CNTN4: variants seen among roughly 807,000 people sequenced by gnomAD.
The protein encoded by CNTN4 is contactin-4.
Under a neutral mutation model 122.5 loss-of-function variants are expected in CNTN4, and 77 were observed. The ratio of observed to expected loss-of-function variants is 0.63; its 90% CI spans 0.52 to 0.76. The LOEUF is 0.76. CNTN4 is among the 30% of genes least tolerant of loss of function. The pLI is 0.00. For synonymous variants in CNTN4, 512 were observed against 447.0 expected (o/e 1.15, Z -1.83); for missense variants, 1,256 against 1,259.1 (o/e 1.00, Z 0.04).
At chr3:2,555,950 C>T (rs1017350755) in intron 3 of CNTN4, among the ~76,000 whole-genome samples, 11 of 152,022 alleles carry the variant, frequency 7.2e-5, no homozygotes, top group Non-Finnish European at 1.2e-4. Context: ...AACCTATTAC[C>T]CCAGGTTCAT....
rs56051008 is a variant in CNTN4, at chr3:2,435,566, G to A, written c.-89+96333G>A. Among the ~76,000 whole-genome samples the A allele has an allele frequency of 6.7e-3, 1,013 of 152,216 alleles. 6 individuals are homozygous for A. Among genetic ancestry groups the A allele is most frequent in the African/African-American group, 0.022 (922 of 41,550 alleles). ...TCTGTAATAGTGACCCTGGCAGCCTGTTTCAGCAAGGCTTCTCAGTTGACC... is the reference window on the plus strand; with the variant it reads ...TCTGTAATAGTGACCCTGGCAGCCTATTTCAGCAAGGCTTCTCAGTTGACC... On this transcript the variant is annotated intron_variant, in intron 3 of 24. Transcript: ENST00000418658.
intron 3 of CNTN4, among the ~76,000 whole-genome samples, chr3:2,456,914 A>G (rs186739417): frequency 4.6e-5 from 7 of 152,226 alleles, no homozygotes; most frequent in Admixed American, 2.6e-4. Flanking sequence ...GTGCTAGTCA[A>G]TGAACTGAGT....
chr3:2,297,360 G>A (rs1383409730), intron 2 of CNTN4, among the ~76,000 whole-genome samples: 2 of 152,294 alleles, frequency 1.3e-5, no homozygotes, highest in African/African-American at 2.4e-5. Context: ...TCCAAATGAT[G>A]TTAAACATTC....
chr3:2,841,248 C>T lies in CNTN4; in HGVS notation c.454+21667C>T, dbSNP rs2093356843. On this transcript the variant is annotated intron_variant, in intron 7 of 24. Transcript: ENST00000418658. This position sits in a 1 kb window ranked among gnomAD's most constrained non-coding sequence, Gnocchi z 4.8. The stretch of plus-strand genomic sequence containing the variant: ...GCTGGGTGGATTTTAACTTTTAACC[C>T]AGTTTTTCAGATGTGTTAATATATA... 6.6e-6 allele frequency among the ~76,000 whole-genome samples: 1 copy of T among 152,232 alleles called. No individual in the cohort carries two copies. The highest frequency in any genetic ancestry group is 1.5e-5 in the Non-Finnish European group (1 of 68,018).
At chr3:2,346,422 A>T (rs1040689030) in intron 3 of CNTN4, among the ~76,000 whole-genome samples, 1 of 152,130 alleles carries the variant, frequency 6.6e-6, no homozygotes, top group African/African-American at 2.4e-5. Flanking sequence ...TAACTTACAT[A>T]GATTTTCTTA....
At chr3:2,522,724 G>C (rs2149163735) in intron 3 of CNTN4, among the ~76,000 whole-genome samples, 1 of 151,862 alleles carries the variant, frequency 6.6e-6, no homozygotes, top group Middle Eastern at 3.4e-3. Flanking sequence ...TTTTTAATTA[G>C]CTCCCATATG....
At chr3:2,993,299 AT>A (rs576176618) in intron 14 of CNTN4, among the ~76,000 whole-genome samples, 275 of 143,732 alleles carry the variant, frequency 1.9e-3, no homozygotes, top group East Asian at 3.7e-3. Flanking sequence ...AGACTGTGTA[AT>A]TTTTTTTTTT....
chr3:2,674,161 T>C (rs1258344985), intron 4 of CNTN4, among the ~76,000 whole-genome samples: 1 of 152,224 alleles, frequency 6.6e-6, no homozygotes, highest in Non-Finnish European at 1.5e-5. Context: ...AATAGATAAT[T>C]GAAGTACTTA....
At chr3:2,389,712 T>C (rs2046377094) in intron 3 of CNTN4, among the ~76,000 whole-genome samples, 1 of 152,186 alleles carries the variant, frequency 6.6e-6, no homozygotes, top group Admixed American at 6.5e-5. Flanking sequence ...ACAGGAACTT[T>C]ACAGTGAAGA....
intron 3 of CNTN4, among the ~76,000 whole-genome samples, chr3:2,360,938 T>G (rs554532956): frequency 1.3e-5 from 2 of 152,228 alleles, no homozygotes; most frequent in Admixed American, 6.5e-5. Context: ...GAAAGAGTGG[T>G]GTGGGGTTCA....
chr3:2,505,257 G>A (rs750751200), intron 3 of CNTN4, among the ~76,000 whole-genome samples: 1 of 152,096 alleles, frequency 6.6e-6, no homozygotes, highest in Non-Finnish European at 1.5e-5. Flanking sequence ...GAAGGAAGGA[G>A]GGAAGATCGG....
At chr3:2,238,522 G>T (rs968118357) in intron 2 of CNTN4, among the ~76,000 whole-genome samples, 3 of 151,548 alleles carry the variant, frequency 2.0e-5, no homozygotes, top group African/African-American at 7.3e-5. Context: ...TCTTAAATTT[G>T]TTATCTGAAT....
At chr3:2,762,998 G>A (rs2090663012) in intron 6 of CNTN4, among the ~76,000 whole-genome samples, 1 of 147,414 alleles carries the variant, frequency 6.8e-6, no homozygotes, top group Non-Finnish European at 1.5e-5. Context: ...CTGGAGTGCA[G>A]TGGCTCGATC....
intron 2 of CNTN4, among the ~76,000 whole-genome samples, chr3:2,117,552 C>T (rs993850142): frequency 6.4e-4 from 97 of 152,280 alleles, no homozygotes; most frequent in African/African-American, 2.2e-3. Context: ...CTGAAAGTCC[C>T]AACCCTCTAA....
chr3:2,945,512 C>A (rs575064776), intron 13 of CNTN4, among the ~76,000 whole-genome samples: 15 of 152,184 alleles, frequency 9.9e-5, no homozygotes, highest in Non-Finnish European at 2.1e-4. Context: ...GACACTCTCT[C>A]TTAAAATGTC....
intron 3 of CNTN4, among the ~76,000 whole-genome samples, chr3:2,344,249 C>T (rs189067355): frequency 2.2e-4 from 33 of 152,056 alleles, no homozygotes; most frequent in African/African-American, 7.5e-4. Context: ...CCTGTCTGAC[C>T]TGACTGCCAA....
At chr3:2,706,111 G>A (rs1255152110) in intron 4 of CNTN4, among the ~76,000 whole-genome samples, 1 of 149,762 alleles carries the variant, frequency 6.7e-6, no homozygotes, top group Non-Finnish European at 1.5e-5. Flanking sequence ...GTAGAGATTA[G>A]ACATCTATTA....
intron 4 of CNTN4, among the ~76,000 whole-genome samples, chr3:2,627,490 C>CTTT (rs869106549): frequency 5.8e-4 from 67 of 116,206 alleles, no homozygotes; most frequent in Non-Finnish European, 6.6e-4. Flanking sequence ...CATTAAGTGT[C>CTTT]TTTTTTTTTT....
chr3:2,634,236 A>G (rs1379623580), intron 4 of CNTN4, among the ~76,000 whole-genome samples: 2 of 152,182 alleles, frequency 1.3e-5, no homozygotes, highest in East Asian at 3.9e-4. Flanking sequence ...ATTTTCTCTT[A>G]GATATTACTC....
Sources: gnomAD v4.1 joint callset for allele counts (sites outside exome capture counted in the v4.1 genomes callset) on GRCh38, gnomAD v4.1.1 for gene constraint, Gnocchi (gnomAD v3.1) non-coding constraint, MANE v1.5 for transcripts, NCBI Gene and HGNC (gene_info 2026-07-23, HGNC 2026-07-21) for gene names.